IQCJ: variants seen among roughly 807,000 people sequenced by gnomAD.
IQCJ encodes IQ domain-containing protein J.
A neutral mutation model predicts 11.0 loss-of-function variants in IQCJ; 9 were observed. The ratio of observed to expected loss-of-function variants is 0.82; its 90% CI spans 0.49 to 1.43. The LOEUF (loss-of-function observed/expected upper bound fraction) is 1.43. IQCJ is among the 40% of genes most tolerant of loss of function. The pLI, the probability that IQCJ is intolerant of heterozygous loss-of-function variation, is 0.00. For synonymous variants in IQCJ, 55 were observed against 51.3 expected (o/e 1.07, Z -0.31); for missense variants, 146 against 133.2 (o/e 1.10, Z -0.47).
chr3:159,141,128 A>ATATGGAGG (rs1282125669), intron 1 of IQCJ, among the ~76,000 whole-genome samples: 16 of 147,950 alleles, frequency 1.1e-4, no homozygotes, highest in African/African-American at 3.8e-4. Context: ...ACTAGATCTC[A>ATATGGAGG]TATGGAGGTT....
At chr3:159,073,530 T>A (rs1053611321) in intron 1 of IQCJ, among the ~76,000 whole-genome samples, 1 of 152,174 alleles carries the variant, frequency 6.6e-6, no homozygotes, top group African/African-American at 2.4e-5. Flanking sequence ...TCTCACCCAG[T>A]CCCCAGAACC....
chr3:159,138,765 T>C (rs1720438079), intron 1 of IQCJ, among the ~76,000 whole-genome samples: 1 of 152,264 alleles, frequency 6.6e-6, no homozygotes, highest in Non-Finnish European at 1.5e-5. Context: ...CTGGTAAGTA[T>C]GTTCTAATGC....
At chr3:159,221,439 G>T (rs533431115) in intron 1 of IQCJ, among the ~76,000 whole-genome samples, 6 of 152,136 alleles carry the variant, frequency 3.9e-5, no homozygotes, top group Non-Finnish European at 8.8e-5. Context: ...GGTCTCTGCT[G>T]CAGTCCTAGA....
intron 1 of IQCJ, among the ~76,000 whole-genome samples, chr3:159,105,169 T>C (rs1309221341): frequency 6.6e-6 from 1 of 152,196 alleles, no homozygotes; most frequent in Non-Finnish European, 1.5e-5. Context: ...CTCTGAAAGA[T>C]AAAATAAATT....
chr3:159,088,239 T>G (rs1342242594), intron 1 of IQCJ, among the ~76,000 whole-genome samples: 2 of 152,168 alleles, frequency 1.3e-5, no homozygotes, highest in Non-Finnish European at 2.9e-5. Context: ...TTGAGTGAGA[T>G]TCTTAATCCT....
chr3:159,239,892 G>C (rs1237603387), intron 1 of IQCJ, among the ~76,000 whole-genome samples: 1 of 152,148 alleles, frequency 6.6e-6, no homozygotes, highest in Non-Finnish European at 1.5e-5. Context: ...GTATCACATA[G>C]CCCAGGTGTG....
chr3:159,227,469 A>C (rs1239708718), intron 1 of IQCJ, among the ~76,000 whole-genome samples: 1 of 152,190 alleles, frequency 6.6e-6, no homozygotes, highest in Non-Finnish European at 1.5e-5. Context: ...CCAAGAATAC[A>C]CTGGGCTTTG....
chr3:159,171,595 C>A (rs867741606), intron 1 of IQCJ, among the ~76,000 whole-genome samples: 1 of 152,144 alleles, frequency 6.6e-6, no homozygotes, highest in African/African-American at 2.4e-5. Context: ...ATTAGAATCA[C>A]CAGAGGAGAC....
chr3:159,152,050 C>T (rs1017992608), intron 1 of IQCJ, among the ~76,000 whole-genome samples: 5 of 152,160 alleles, frequency 3.3e-5, no homozygotes, highest in East Asian at 1.9e-4. Flanking sequence ...GATCCATGCT[C>T]GATTTGGTGA....
At chr3:159,094,459 G>A (rs1224699125) in intron 1 of IQCJ, among the ~76,000 whole-genome samples, 1 of 77,728 alleles carries the variant, frequency 1.3e-5, no homozygotes, top group African/African-American at 5.6e-5. Flanking sequence ...ACTATTGGAA[G>A]TTTTAAATAT....
At chr3:159,170,007 T>C (rs913171055) in intron 1 of IQCJ, among the ~76,000 whole-genome samples, 1 of 152,204 alleles carries the variant, frequency 6.6e-6, no homozygotes, top group African/African-American at 2.4e-5. Flanking sequence ...GGTGACTCAG[T>C]CCTAGAAGGA....
At chr3:159,131,092 C>T (rs1267919675) in intron 1 of IQCJ, among the ~76,000 whole-genome samples, 2 of 152,092 alleles carry the variant, frequency 1.3e-5, no homozygotes, top group East Asian at 1.9e-4. Flanking sequence ...ATGTGAGGTA[C>T]CACAAGAGCA....
intron 1 of IQCJ, among the ~76,000 whole-genome samples, chr3:159,103,154 C>T (rs1042120860): frequency 6.6e-6 from 1 of 152,198 alleles, no homozygotes; most frequent in South Asian, 2.1e-4. Flanking sequence ...CACTTTCATT[C>T]ACAAAGATTT....
chr3:159,160,966 A>G (rs553708049), intron 1 of IQCJ, among the ~76,000 whole-genome samples: 74 of 152,240 alleles, frequency 4.9e-4, no homozygotes, highest in African/African-American at 1.7e-3. Flanking sequence ...AGTCTTTGCT[A>G]TTATGAATAA....
At chr3:159,080,721 A>T (rs948764626) in intron 1 of IQCJ, among the ~76,000 whole-genome samples, 8 of 152,162 alleles carry the variant, frequency 5.3e-5, no homozygotes, top group African/African-American at 1.9e-4. Context: ...AAAGAACAGA[A>T]ATTCAGTCAA....
rs191156953 is a variant in IQCJ, at chr3:159,235,418, A to C, written c.10-10425A>C. 5.3e-5 allele frequency among the ~76,000 whole-genome samples: 8 copies of C among 152,328 alleles called. No individual in the cohort carries two copies. In the East Asian group the frequency reaches 1.5e-3, roughly 29 times the overall value. ...TGAATGTCATGATCTAAAACTAGCA[A>C]AAGTTTTGAGACCATGTACTACTTA... On this transcript the variant is annotated intron_variant, in intron 1 of 3. Transcript: ENST00000397832.
chr3:159,185,655 T>G (rs1456986034), intron 1 of IQCJ, among the ~76,000 whole-genome samples: 1 of 152,232 alleles, frequency 6.6e-6, no homozygotes, highest in Non-Finnish European at 1.5e-5. Flanking sequence ...AGATCCACTT[T>G]CAAAATGACA....
intron 1 of IQCJ, among the ~76,000 whole-genome samples, chr3:159,090,213 C>T (rs986800427): frequency 2.6e-5 from 4 of 151,570 alleles, no homozygotes; most frequent in Admixed American, 6.6e-5. Flanking sequence ...CTGTGGGGTG[C>T]CTCCCGGTTA....
intron 1 of IQCJ, chr3:159,069,842 CTTGTGT>C (rs1045172930): frequency 2.6e-6 from 1 of 387,534 alleles, no homozygotes; most frequent in Admixed American, 2.9e-5. Context: ...GCCCTCCTTT[CTTGTGT>C]GTGTGTGTGT....
Sources: gnomAD v4.1 joint callset for allele counts (sites outside exome capture counted in the v4.1 genomes callset) on GRCh38, gnomAD v4.1.1 for gene constraint, MANE v1.5 for transcripts, NCBI Gene and HGNC (gene_info 2026-07-23, HGNC 2026-07-21) for gene names.